The following XKR5 variants were observed in gnomAD, a reference collection of about 807,000 sequenced individuals.
XKR5 encodes XK related 5.
In XKR5, 46 loss-of-function variants were observed where a neutral mutation model predicts 40.8. That is an observed-to-expected ratio of 1.13 (90% CI 0.89 to 1.44). The LOEUF is 1.44. Ranked by LOEUF, XKR5 falls within the 40% of genes most tolerant of loss-of-function variation. XKR5 has a pLI of 0.00. For synonymous variants in XKR5, 466 were observed against 356.1 expected, an observed-to-expected ratio of 1.31 and a Z score of -3.48; for missense variants, 1,169 against 844.7, an observed-to-expected ratio of 1.38 and a Z score of -4.76.
At chr8:6,820,093 G>C (rs949393425) in intron 5 of XKR5, among the ~76,000 whole-genome samples, 4 of 152,222 alleles carry the variant, frequency 2.6e-5, no homozygotes, top group Admixed American at 6.5e-5. Context: ...GGGAGCCCCG[G>C]TGACTCTCAT....
At chr8:6,824,659 T>C (rs553609888) in intron 3 of XKR5, among the ~76,000 whole-genome samples, 8 of 152,130 alleles carry the variant, frequency 5.3e-5, no homozygotes, top group Non-Finnish European at 1.2e-4. Context: ...GCCTCTTGAA[T>C]AGCTGGCACT....
chr8:6,823,492 C>T (rs1040346164), intron 4 of XKR5, 29 bp downstream of exon 4: 6 of 1,559,322 alleles, frequency 3.8e-6, no homozygotes, highest in Admixed American at 3.9e-5. Context: ...TATGCAGCAA[C>T]AGATGACCAG....
At position 6,823,710 on chromosome 8, in the gene XKR5, A is replaced by G; in HGVS notation, c.448T>C (p.Trp150Arg). The G allele has an allele frequency of 6.3e-7, 1 of 1,582,984 alleles. No individual in the cohort carries two copies. Among genetic ancestry groups the G allele is most frequent in the Non-Finnish European group, 8.6e-7 (1 of 1,164,680 alleles). Residue 150 changes from tryptophan (W) to arginine (R), a missense_variant, in exon 4 of 7, where the codon TGG (tryptophan) becomes CGG (arginine). Transcript: ENST00000618742. Reference sequence around the variant, plus strand: ...ACCAGTGCCCAGGAGAGTGAGGACCAGGAAAACAGGGTGCTCACCCCTGAA... The same window carrying G: ...ACCAGTGCCCAGGAGAGTGAGGACCGGGAAAACAGGGTGCTCACCCCTGAA... ...IVPGVSTLFS[W>R]SSLSWALVSY...
At chr8:6,817,655 G>A (rs531510789) in intron 5 of XKR5, among the ~76,000 whole-genome samples, 19 of 152,314 alleles carry the variant, frequency 1.2e-4, no homozygotes, top group African/African-American at 3.8e-4. Context: ...CCAAAACTTG[G>A]TGCTGGGTGG....
intron 4 of XKR5, among the ~76,000 whole-genome samples, chr8:6,822,428 T>G (rs969425400): frequency 1.3e-5 from 2 of 152,210 alleles, no homozygotes; most frequent in Admixed American, 1.3e-4. Flanking sequence ...AGGAAAGAAC[T>G]CTATGTGGTG....
At chr8:6,828,126 T>A (rs1476035120) in intron 2 of XKR5, among the ~76,000 whole-genome samples, 2 of 152,050 alleles carry the variant, frequency 1.3e-5, no homozygotes, top group East Asian at 3.9e-4. Context: ...AACCTAAGAT[T>A]CAGTGTGGAA....
At position 6,808,534 on chromosome 8, in the gene XKR5, C is replaced by G. The variant is rs1487643022; in HGVS notation, c.*2664G>C. On this transcript the variant is annotated 3_prime_UTR_variant, in exon 7 of 7. Transcript: ENST00000618742. ...AGCAGGCATTTTTGAATTAAGTGTC[C>G]ATTTATTAGTCTTCTCTAATAAATA... 1 of 152,162 alleles carries G rather than the reference C, an allele frequency of 6.6e-6. No individual in the cohort carries two copies. The highest frequency in any genetic ancestry group is 1.9e-4 in the East Asian group (1 of 5,196). 9.4% of individuals were successfully genotyped at this position (152,162 alleles called of 1,614,324 possible).
intron 2 of XKR5, among the ~76,000 whole-genome samples, chr8:6,830,216 G>C (rs1445311619): frequency 6.6e-6 from 1 of 152,260 alleles, no homozygotes; most frequent in Non-Finnish European, 1.5e-5. Flanking sequence ...TTGTGATGAG[G>C]ACACTCAAAG....
At chr8:6,817,433 T>C (rs1804013636) in intron 5 of XKR5, among the ~76,000 whole-genome samples, 1 of 152,086 alleles carries the variant, frequency 6.6e-6, no homozygotes, top group African/African-American at 2.4e-5. Flanking sequence ...TCTCTGAGCC[T>C]TCTTTTCCAT....
chr8:6,812,061 G>C lies in XKR5; in HGVS notation c.1198C>G (p.Leu400Val). The C allele has an allele frequency of 1.9e-6, 3 of 1,539,792 alleles. No homozygotes were observed. Among genetic ancestry groups the C allele is most frequent in the Non-Finnish European group, 2.6e-6 (3 of 1,146,936 alleles). The part of the protein sequence containing the change: ...GTQVAVEDSF[L>V]SHHHWLWVKL... ...ACCCACAGCCAGTGGTGATGACTGA[G>C]GAAAGAGTCCTCCACAGCAACCTGG... is the stretch of plus-strand genomic sequence containing the variant. The change falls in exon 7 of 7, where the codon CTC (leucine) becomes GTC (valine). Residue 400 changes from leucine (L) to valine (V), a missense_variant. Leu to Val is a conservative substitution (Grantham distance 32, BLOSUM62 1). Coordinates refer to ENST00000618742, the MANE Select transcript of XKR5 (RefSeq NM_207411.5).
At chr8:6,822,178 G>C (rs1804271433) in intron 4 of XKR5, 140 bp from the exon 5 acceptor site, 1 of 775,652 alleles carries the variant, frequency 1.3e-6, no homozygotes, top group Non-Finnish European at 2.0e-6. Context: ...ACCCAGAAGA[G>C]ATTTGAGGGG....
intron 4 of XKR5, among the ~76,000 whole-genome samples, chr8:6,822,859 G>C (rs1267887292): frequency 1.3e-5 from 2 of 152,234 alleles, no homozygotes; most frequent in Non-Finnish European, 2.9e-5. Context: ...CAACAGAGGA[G>C]ATGTCCAAGA....
At chr8:6,832,571 G>C in intron 2 of XKR5, 146 bp downstream of exon 2, 2 of 963,022 alleles carry the variant, frequency 2.1e-6, no homozygotes, top group Non-Finnish European at 1.5e-6. Context: ...GCCAATATCA[G>C]AGCAGGGGTT....
chr8:6,814,162 C>T (rs986513984), intron 6 of XKR5, among the ~76,000 whole-genome samples: 4 of 152,182 alleles, frequency 2.6e-5, no homozygotes, highest in African/African-American at 7.2e-5. Context: ...CCTCAGTTTC[C>T]CATAGGCCAT....
Position 6,811,499 on chromosome 8 carries a change from C to A in XKR5, c.1760G>T (p.Gly587Val), listed in dbSNP as rs746373015. 8.1e-5 allele frequency: 124 copies of A among 1,528,122 alleles called. No homozygotes were observed. The highest frequency in any genetic ancestry group is 1.1e-4 in the Non-Finnish European group (122 of 1,141,756). 94.7% of individuals were successfully genotyped at this position (1,528,122 alleles called of 1,614,324 possible). A position where few individuals can be genotyped will look rare whatever the true frequency, so the allele number is the denominator to read the frequency against. The change falls in exon 7 of 7, where the codon GGC becomes GTC. Residue 587 changes from glycine to valine, a missense_variant. By Grantham distance (109) the Gly-to-Val change is moderately radical. Transcript: ENST00000618742. ...PAQPASPHPV[G>V]LAPFPDTMAD... ...CATGGTGTCGGGGAAGGGCGCCAAG[C>A]CCACTGGGTGGGGCGATGCAGGCTG...
At chr8:6,830,351 G>T (rs967795042) in intron 2 of XKR5, among the ~76,000 whole-genome samples, 4 of 152,186 alleles carry the variant, frequency 2.6e-5, no homozygotes, top group African/African-American at 9.7e-5. Flanking sequence ...GCTTCACTCA[G>T]TGTTGTCTTT....
intron 5 of XKR5, among the ~76,000 whole-genome samples, chr8:6,819,254 G>A (rs536743584): frequency 2.6e-5 from 4 of 152,320 alleles, no homozygotes; most frequent in Non-Finnish European, 5.9e-5. Context: ...CCTCTTTCCT[G>A]TGTGAGCTGC....
chr8:6,815,745 T>C, intron 6 of XKR5, 62 bp downstream of exon 6: 6 of 1,204,358 alleles, frequency 5.0e-6, no homozygotes, highest in Non-Finnish European at 5.9e-6. Context: ...TTTGAGCCCA[T>C]TGTAAAAAAA....
intron 6 of XKR5, among the ~76,000 whole-genome samples, chr8:6,812,727 T>C (rs536969671): frequency 6.6e-6 from 1 of 152,198 alleles, no homozygotes; most frequent in Non-Finnish European, 1.5e-5. Context: ...AACTGGACCA[T>C]ACACTGCAAA....
Sources: gnomAD v4.1 joint callset for allele counts (sites outside exome capture counted in the v4.1 genomes callset) on GRCh38, gnomAD v4.1.1 for gene constraint, MANE v1.5 for transcripts, NCBI Gene and HGNC (gene_info 2026-07-23, HGNC 2026-07-21) for gene names.